The following FAM91A1 variants were observed in gnomAD, a reference collection of about 807,000 sequenced individuals.
FAM91A1 encodes protein FAM91A1.
FAM91A1 carries 41 observed loss-of-function variants against 113.5 expected under a neutral mutation model. The ratio of observed to expected loss-of-function variants is 0.36; its 90% CI spans 0.28 to 0.47. FAM91A1 has a LOEUF of 0.47. FAM91A1 is among the 20% of genes least tolerant of loss of function. FAM91A1 has a pLI of 1.00. For missense variants in FAM91A1, 696 were observed against 1,001.2 expected (o/e 0.70, Z 4.11); for synonymous variants, 307 against 347.9 (o/e 0.88, Z 1.31).
intron 9 of FAM91A1, 143 bp downstream of exon 9, chr8:123,784,719 T>C (rs1815210759): frequency 2.1e-6 from 1 of 486,318 alleles, no homozygotes. Flanking sequence ...ATGTCATTAT[T>C]CTTAACGTTC....
chr8:123,793,271 G>C (rs1201898790), intron 15 of FAM91A1, among the ~76,000 whole-genome samples: 5 of 152,048 alleles, frequency 3.3e-5, no homozygotes, highest in Admixed American at 6.6e-5. Context: ...TTGGTGGGGA[G>C]ATACTTTGAG....
chr8:123,807,596 G>T (rs1360798451), intron 20 of FAM91A1, among the ~76,000 whole-genome samples: 2 of 152,142 alleles, frequency 1.3e-5, no homozygotes, highest in Non-Finnish European at 2.9e-5. Context: ...CTATGATGGG[G>T]TCTGCATAAA....
intron 14 of FAM91A1, 96 bp from the exon 15 acceptor site, chr8:123,789,517 T>G: frequency 2.6e-6 from 4 of 1,554,390 alleles, no homozygotes; most frequent in Non-Finnish European, 3.5e-6. Flanking sequence ...GATTTACTAC[T>G]TTTGAATAAT....
At chr8:123,784,703 A>G in intron 9 of FAM91A1, 127 bp downstream of exon 9, 1 of 536,126 alleles carries the variant, frequency 1.9e-6, no homozygotes, top group Non-Finnish European at 3.1e-6. Flanking sequence ...CCATTATTAC[A>G]CTTAAATGTC....
At chr8:123,777,622 G>A (rs1192507734) in intron 4 of FAM91A1, among the ~76,000 whole-genome samples, 1 of 152,154 alleles carries the variant, frequency 6.6e-6, no homozygotes, top group Non-Finnish European at 1.5e-5. Flanking sequence ...GAATGTGGGA[G>A]GAAAACTTGT....
In FAM91A1 at chr8:123,768,676, CCGGCCGCCGGCCCTGGCCG is replaced by C. The variant is rs1814764446; in HGVS notation, c.-22_-4del. 1.4e-6 allele frequency: 2 copies of C among 1,460,996 alleles called. No homozygotes were observed. Among genetic ancestry groups the C allele is most frequent in the Non-Finnish European group, 1.8e-6 (2 of 1,104,174 alleles). 90.5% of individuals were successfully genotyped at this position (1,460,996 alleles called of 1,614,324 possible). ...CGTAGTGTGGGTCGCGGTGGCGGCC[CCGGCCGCCGGCCCTGGCCG>C]CGGCATCATGAACATAGACGTGGAG... On this transcript the variant is annotated 5_prime_UTR_variant, in exon 1 of 24. Coordinates refer to ENST00000334705, the MANE Select transcript of FAM91A1 (RefSeq NM_144963.4).
intron 15 of FAM91A1, among the ~76,000 whole-genome samples, chr8:123,791,002 A>G (rs1026846395): frequency 6.6e-6 from 1 of 152,224 alleles, no homozygotes; most frequent in Admixed American, 6.5e-5. Flanking sequence ...ATGTCTTTGG[A>G]TATAAAACTC....
chr8:123,793,198 T>G lies in FAM91A1; in HGVS notation c.1411+3453T>G, dbSNP rs527909565. On this transcript the variant is annotated intron_variant, in intron 15 of 23. Transcript: ENST00000334705. ...ATGTTAATTTTGATCACCCAGTTAA[T>G]GCATTGTCTGATTTTTCCACTGTAT... 1.5e-4 allele frequency among the ~76,000 whole-genome samples: 23 copies of G among 152,344 alleles called. No homozygotes were observed. The South Asian group carries it at 3.9e-3, about 26-fold the overall frequency.
At chr8:123,774,881 G>A (rs554714762) in intron 2 of FAM91A1, among the ~76,000 whole-genome samples, 69 of 152,198 alleles carry the variant, frequency 4.5e-4, no homozygotes, top group African/African-American at 1.6e-3. Context: ...GTACCTTTTT[G>A]GGGGGCATGC....
chr8:123,792,703 A>G (rs578099996), intron 15 of FAM91A1, among the ~76,000 whole-genome samples: 36 of 152,198 alleles, frequency 2.4e-4, no homozygotes, highest in Admixed American at 1.2e-3. Flanking sequence ...AATATTATCT[A>G]TACTTGACAT....
Position 123,814,271 on chromosome 8 carries a change from A to G in FAM91A1, c.*1567A>G, listed in dbSNP as rs1259984540. On this transcript the variant is annotated 3_prime_UTR_variant, in exon 24 of 24. Transcript: ENST00000334705. ...CTCACTTATTTTTCCAATAATTGATATTGTACATTCCTAGTGCCATTAGGT... is the reference window on the plus strand; with the variant it reads ...CTCACTTATTTTTCCAATAATTGATGTTGTACATTCCTAGTGCCATTAGGT... 5 of 312,290 alleles carry G rather than the reference A, an allele frequency of 1.6e-5. No homozygotes were observed. Among genetic ancestry groups the G allele is most frequent in the South Asian group, 8.3e-5 (3 of 36,150 alleles). 19.3% of individuals were successfully genotyped at this position (312,290 alleles called of 1,614,324 possible).
Position 123,781,777 on chromosome 8 carries a change from G to A in FAM91A1, c.703+1235G>A, listed in dbSNP as rs372910669. Among the ~76,000 whole-genome samples the A allele has an allele frequency of 1.6e-4, 25 of 152,262 alleles. No individual in the cohort carries two copies. In the South Asian group the frequency reaches 5.0e-3, roughly 30 times the overall value. On this transcript the variant is annotated intron_variant, in intron 8 of 23. Coordinates refer to ENST00000334705, the MANE Select transcript of FAM91A1 (RefSeq NM_144963.4). The stretch of plus-strand genomic sequence containing the variant: ...TGGGATTACAGGCGTGAGCCACCAT[G>A]CCCGGCCTGCATCCTATTTTAAGCT...
chr8:123,812,187 T>TTC (rs1586400537), intron 23 of FAM91A1: 3 of 175,184 alleles, frequency 1.7e-5, no homozygotes, highest in Middle Eastern at 2.3e-3. Context: ...TGTAAGTTTT[T>TTC]TTTTTTTTTT....
At chr8:123,811,815 C>T (rs747312124) in intron 23 of FAM91A1, among the ~76,000 whole-genome samples, 2 of 151,970 alleles carry the variant, frequency 1.3e-5, no homozygotes, top group South Asian at 2.1e-4. Flanking sequence ...ATCTGAGAAG[C>T]GTGGAGTAGG....
At chr8:123,772,093 G>A (rs1040156750) in intron 1 of FAM91A1, among the ~76,000 whole-genome samples, 8 of 152,206 alleles carry the variant, frequency 5.3e-5, no homozygotes, top group African/African-American at 1.9e-4. Context: ...ATCTCAGAAT[G>A]AAGCAATTTA....
chr8:123,768,507 G>C lies in FAM91A1; in HGVS notation c.-196G>C. The C allele has an allele frequency of 2.0e-6, 1 of 496,960 alleles. No individual in the cohort carries two copies. Among genetic ancestry groups the C allele is most frequent in the South Asian group, 3.3e-5 (1 of 30,580 alleles). The allele number at this position is 496,960 out of a possible 1,614,324, so 30.8% of individuals were successfully genotyped here. A position where few individuals can be genotyped will look rare whatever the true frequency, so the allele number is the denominator to read the frequency against. On this transcript the variant is annotated 5_prime_UTR_variant, in exon 1 of 24. Coordinates refer to ENST00000334705, the MANE Select transcript of FAM91A1 (RefSeq NM_144963.4). ...TGTTCAGGCGATCCAGCCTCCAATC[G>C]CTGCTGCTCTTGTACTCGGTTGGCC...
chr8:123,797,857 A>G (rs533540667), intron 15 of FAM91A1, among the ~76,000 whole-genome samples: 1 of 152,210 alleles, frequency 6.6e-6, no homozygotes, highest in East Asian at 1.9e-4. Flanking sequence ...TGTTGCAGTA[A>G]AAAGTAACCT....
chr8:123,771,570 A>AT (rs764257242), intron 1 of FAM91A1, among the ~76,000 whole-genome samples: 4 of 152,210 alleles, frequency 2.6e-5, no homozygotes, highest in Non-Finnish European at 5.9e-5. Context: ...ACTTTTAAAA[A>AT]ATATATAAAA....
At chr8:123,806,057 T>C (rs1357507216) in intron 19 of FAM91A1, 23 bp from the exon 20 acceptor site, 3 of 1,522,300 alleles carry the variant, frequency 2.0e-6, no homozygotes, top group Admixed American at 2.0e-5. Flanking sequence ...TGTTCATTAA[T>C]GTGATGTCCG....
Sources: gnomAD v4.1 joint callset for allele counts (sites outside exome capture counted in the v4.1 genomes callset) on GRCh38, gnomAD v4.1.1 for gene constraint, MANE v1.5 for transcripts, NCBI Gene and HGNC (gene_info 2026-07-23, HGNC 2026-07-21) for gene names.